PRTFDC1: variants seen among roughly 807,000 people sequenced by gnomAD.
PRTFDC1 encodes the protein phosphoribosyl transferase domain containing 1.
A neutral mutation model predicts 34.6 loss-of-function variants in PRTFDC1; 38 were observed. The observed-to-expected ratio is 1.10, with a 90% CI of 0.85 to 1.44. PRTFDC1 has a LOEUF of 1.44. Among genes scored for constraint, PRTFDC1 ranks in the 40% most tolerant of loss-of-function variants. The pLI is 0.00. For missense variants in PRTFDC1, 270 were observed against 283.0 expected, an observed-to-expected ratio of 0.95 and a Z score of 0.33; for synonymous variants, 93 against 98.1, an observed-to-expected ratio of 0.95 and a Z score of 0.31.
chr10:24,866,447 A>T (rs1341252621), intron 4 of PRTFDC1, among the ~76,000 whole-genome samples: 1 of 151,592 alleles, frequency 6.6e-6, no homozygotes, highest in African/African-American at 2.4e-5. Flanking sequence ...CTTAACCTGC[A>T]CATCTGTGTT....
At chr10:24,881,007 TTC>T (rs900483145) in intron 3 of PRTFDC1, among the ~76,000 whole-genome samples, 1 of 142,136 alleles carries the variant, frequency 7.0e-6, no homozygotes, top group Non-Finnish European at 1.5e-5. Flanking sequence ...CTTCCTTCCT[TTC>T]TCTCTTTCTT....
At chr10:24,930,473 C>T (rs1848954037) in intron 3 of PRTFDC1, among the ~76,000 whole-genome samples, 1 of 152,142 alleles carries the variant, frequency 6.6e-6, no homozygotes, top group African/African-American at 2.4e-5. Flanking sequence ...TATTGTCATT[C>T]TTCCAGCAAT....
intron 5 of PRTFDC1, 21 bp downstream of exon 5, chr10:24,858,371 G>A (rs780659505): frequency 1.2e-6 from 2 of 1,610,534 alleles, no homozygotes; most frequent in Admixed American, 3.3e-5. Context: ...TCCAAGTATG[G>A]AAAAGGAAAT....
chr10:24,939,843 T>C (rs139642974), intron 2 of PRTFDC1, among the ~76,000 whole-genome samples: 32 of 122,032 alleles, frequency 2.6e-4, no homozygotes, highest in African/African-American at 9.2e-4. Context: ...TAAATATAAA[T>C]ATAAAAACAG....
intron 4 of PRTFDC1, among the ~76,000 whole-genome samples, chr10:24,869,864 C>T (rs1249736975): frequency 6.6e-6 from 1 of 152,196 alleles, no homozygotes; most frequent in Admixed American, 6.5e-5. Context: ...TACCATTTCC[C>T]TCTGCCCTGT....
intron 6 of PRTFDC1, among the ~76,000 whole-genome samples, chr10:24,855,836 C>T (rs1039333086): frequency 2.0e-5 from 3 of 151,938 alleles, no homozygotes; most frequent in Non-Finnish European, 4.4e-5. Context: ...AAAAAGGTAG[C>T]TGTCAGCCAG....
At chr10:24,866,316 G>A (rs902078085) in intron 4 of PRTFDC1, among the ~76,000 whole-genome samples, 9 of 143,900 alleles carry the variant, frequency 6.3e-5, no homozygotes, top group African/African-American at 1.0e-4. Context: ...AGCTGAGATC[G>A]TACCACTGCA....
intron 4 of PRTFDC1, among the ~76,000 whole-genome samples, chr10:24,868,539 A>G (rs1428774073): frequency 6.6e-6 from 1 of 152,160 alleles, no homozygotes; most frequent in Non-Finnish European, 1.5e-5. Flanking sequence ...CAACCTCCTG[A>G]GCCCAAGTGA....
intron 3 of PRTFDC1, among the ~76,000 whole-genome samples, chr10:24,876,866 T>A (rs1318921699): frequency 9.5e-6 from 1 of 105,100 alleles, no homozygotes; most frequent in Non-Finnish European, 1.7e-5. Context: ...CCTGAGGAAA[T>A]GGCTACTCAG....
chr10:24,854,187 T>A (rs138671346), intron 7 of PRTFDC1, among the ~76,000 whole-genome samples: 1 of 152,244 alleles, frequency 6.6e-6, no homozygotes, highest in Non-Finnish European at 1.5e-5. Context: ...TTGAAGTGAA[T>A]GTTTTTCAAC....
chr10:24,863,866 A>G (rs1233481876), intron 4 of PRTFDC1, among the ~76,000 whole-genome samples: 2 of 152,006 alleles, frequency 1.3e-5, no homozygotes, highest in Non-Finnish European at 2.9e-5. Flanking sequence ...GCTTGAGCCC[A>G]GTAGTTTGAG....
At chr10:24,873,542 C>T (rs1220783910) in intron 3 of PRTFDC1, among the ~76,000 whole-genome samples, 1 of 152,208 alleles carries the variant, frequency 6.6e-6, no homozygotes, top group Non-Finnish European at 1.5e-5. Flanking sequence ...CTTTTGCTAG[C>T]TCAGCACCTT....
intron 3 of PRTFDC1, among the ~76,000 whole-genome samples, chr10:24,924,395 G>C (rs7907047): frequency 0.32 from 48,870 of 151,718 alleles, 9,206 homozygotes; most frequent in African/African-American, 0.53. Flanking sequence ...GTTAAGGGCA[G>C]CCAGAGAGAA....
Position 24,895,687 on chromosome 10 carries a change from G to GGA in PRTFDC1, c.340-23626_340-23625dup, listed in dbSNP as rs1332498230. Among the ~76,000 whole-genome samples, 33 of 30,832 alleles carry GGA rather than the reference G, an allele frequency of 1.1e-3. 1 individual carries two copies. Among genetic ancestry groups the GGA allele is most frequent in the Admixed American group, 1.4e-3 (4 of 2,770 alleles). 20.2% of individuals were successfully genotyped at this position (30,832 alleles called of 152,430 possible). A position where few individuals can be genotyped will look rare whatever the true frequency, so the allele number is the denominator to read the frequency against. ...AACCTAGGAGGGCAAGAGCTGGGGT[G>GGA]GATATATATATATATATATATATAT... is the stretch of plus-strand genomic sequence containing the variant. On this transcript the variant is annotated intron_variant, in intron 3 of 8. Coordinates refer to ENST00000320152, the MANE Select transcript of PRTFDC1 (RefSeq NM_020200.7).
intron 2 of PRTFDC1, among the ~76,000 whole-genome samples, chr10:24,937,765 C>G (rs559324143): frequency 6.9e-4 from 105 of 151,426 alleles, no homozygotes; most frequent in African/African-American, 2.4e-3. Flanking sequence ...GCCATGTTGG[C>G]CAGGCTGGTC....
intron 3 of PRTFDC1, among the ~76,000 whole-genome samples, chr10:24,880,270 T>C (rs1848044167): frequency 6.6e-6 from 1 of 151,774 alleles, no homozygotes; most frequent in Non-Finnish European, 1.5e-5. Context: ...TTTTTTTTGT[T>C]GAGACAGAGT....
At chr10:24,864,179 G>A (rs1394677039) in intron 4 of PRTFDC1, among the ~76,000 whole-genome samples, 1 of 152,148 alleles carries the variant, frequency 6.6e-6, no homozygotes, top group Non-Finnish European at 1.5e-5. Flanking sequence ...GATGAGCAAA[G>A]GAAGTGATTT....
At chr10:24,854,106 C>T (rs767854524) in intron 7 of PRTFDC1, among the ~76,000 whole-genome samples, 1 of 152,170 alleles carries the variant, frequency 6.6e-6, no homozygotes, top group Non-Finnish European at 1.5e-5. Context: ...CATGGCACAT[C>T]ACGACCTCTT....
chr10:24,938,357 C>T (rs1849088788), intron 2 of PRTFDC1, among the ~76,000 whole-genome samples: 1 of 152,168 alleles, frequency 6.6e-6, no homozygotes, highest in Admixed American at 6.5e-5. Context: ...TGGAAATCAA[C>T]CAAAGGCATA....
Sources: gnomAD v4.1 joint callset for allele counts (sites outside exome capture counted in the v4.1 genomes callset) on GRCh38, gnomAD v4.1.1 for gene constraint, MANE v1.5 for transcripts, NCBI Gene and HGNC (gene_info 2026-07-23, HGNC 2026-07-21) for gene names.